The following SAMMSON variants were observed in gnomAD, a reference collection of about 807,000 sequenced individuals.
SAMMSON encodes long intergenic non-protein coding RNA 1212.
At chr3:70,047,621 A>G (rs1348820574) in intron 3 of SAMMSON, among the ~76,000 whole-genome samples, 1 of 152,144 alleles carries the variant, frequency 6.6e-6, no homozygotes, top group Non-Finnish European at 1.5e-5. Context: ...GGCATGAGCC[A>G]TATAATTTCT....
At chr3:70,075,763 AG>A (rs1461511193) in intron 4 of SAMMSON, among the ~76,000 whole-genome samples, 1 of 152,128 alleles carries the variant, frequency 6.6e-6, no homozygotes, top group African/African-American at 2.4e-5. Flanking sequence ...CTCATAGCGC[AG>A]TATAGTGGAT....
chr3:70,394,467 T>C (rs1701075427), downstream of SAMMSON, among the ~76,000 whole-genome samples: 1 of 152,114 alleles, frequency 6.6e-6, no homozygotes, highest in Non-Finnish European at 1.5e-5. Flanking sequence ...CGGACAAAGT[T>C]AAGAGAAGCT....
intron 3 of SAMMSON, among the ~76,000 whole-genome samples, chr3:70,053,447 G>A (rs938561030): frequency 6.6e-6 from 1 of 152,086 alleles, no homozygotes; most frequent in Non-Finnish European, 1.5e-5. Flanking sequence ...GAAAGGCAAG[G>A]CATTCCCCTG....
intron 2 of SAMMSON, among the ~76,000 whole-genome samples, chr3:70,413,696 A>T (rs1372184412): frequency 1.3e-5 from 2 of 152,126 alleles, no homozygotes; most frequent in Non-Finnish European, 2.9e-5. Flanking sequence ...TGCATATTCT[A>T]TATATTTTCA....
intron 6 of SAMMSON, among the ~76,000 whole-genome samples, chr3:70,282,087 A>C (rs1336024073): frequency 6.6e-6 from 1 of 152,138 alleles, no homozygotes; most frequent in African/African-American, 2.4e-5. Flanking sequence ...CAGCCAGGGA[A>C]GAAGGCTTTT....
chr3:70,074,220 A>G (rs1248782285), intron 4 of SAMMSON, among the ~76,000 whole-genome samples: 1 of 152,074 alleles, frequency 6.6e-6, no homozygotes, highest in Non-Finnish European at 1.5e-5. Flanking sequence ...TGTTAAATAT[A>G]AAAACCATTT....
intron 3 of SAMMSON, among the ~76,000 whole-genome samples, chr3:70,022,570 C>T (rs754690991): frequency 7.3e-5 from 11 of 150,998 alleles, no homozygotes; most frequent in Non-Finnish European, 1.5e-4. Flanking sequence ...AATTTTATTT[C>T]GTATTGCAAA....
intron 7 of SAMMSON, among the ~76,000 whole-genome samples, chr3:70,333,574 G>A (rs567331263): frequency 1.3e-5 from 2 of 152,246 alleles, no homozygotes; most frequent in East Asian, 3.9e-4. Context: ...TAGGTTGAAA[G>A]ATGAAAACCA....
At chr3:70,119,560 C>A (rs1378064427) in intron 4 of SAMMSON, among the ~76,000 whole-genome samples, 3 of 152,106 alleles carry the variant, frequency 2.0e-5, no homozygotes, top group Admixed American at 2.0e-4. Flanking sequence ...TATTGTGAGT[C>A]CATTGAGCAA....
intron 1 of SAMMSON, among the ~76,000 whole-genome samples, chr3:70,003,419 T>C (rs2066913843): frequency 6.6e-6 from 1 of 151,910 alleles, no homozygotes; most frequent in African/African-American, 2.4e-5. Context: ...TGTTTTTGGA[T>C]AAATTTTATT....
At chr3:70,331,447 A>G (rs2106722585) in intron 7 of SAMMSON, among the ~76,000 whole-genome samples, 1 of 152,184 alleles carries the variant, frequency 6.6e-6, no homozygotes, top group South Asian at 2.1e-4. Context: ...CAGACCCTGG[A>G]TTTTCCACCC....
At chr3:70,001,492 A>G (rs1159213426) in intron 1 of SAMMSON, among the ~76,000 whole-genome samples, 3 of 151,134 alleles carry the variant, frequency 2.0e-5, no homozygotes, top group South Asian at 2.1e-4. Flanking sequence ...ACATGTATAC[A>G]TGTAATATGT....
At chr3:70,340,935 C>T (rs1465814917) in intron 7 of SAMMSON, among the ~76,000 whole-genome samples, 4 of 152,066 alleles carry the variant, frequency 2.6e-5, no homozygotes, top group African/African-American at 9.7e-5. Context: ...ACATAGTGAT[C>T]TTGAATGAGT....
At chr3:70,384,246 A>G (rs532386376) in intron 9 of SAMMSON, among the ~76,000 whole-genome samples, 20 of 152,214 alleles carry the variant, frequency 1.3e-4, no homozygotes, top group African/African-American at 4.3e-4. Context: ...AAAAATTTTA[A>G]TAAAACATAT....
At chr3:70,386,462 T>C (rs1174938955) in intron 9 of SAMMSON, among the ~76,000 whole-genome samples, 1 of 152,114 alleles carries the variant, frequency 6.6e-6, no homozygotes, top group Admixed American at 6.6e-5. Flanking sequence ...TCATTTGAAC[T>C]TTAATGCATA....
At chr3:70,032,886 T>TC (rs2067071209) in intron 3 of SAMMSON, among the ~76,000 whole-genome samples, 1 of 152,134 alleles carries the variant, frequency 6.6e-6, no homozygotes, top group Non-Finnish European at 1.5e-5. Context: ...AAGGAAAACT[T>TC]CGCAATGATG....
chr3:70,413,458 T>G (rs1198089424), intron 2 of SAMMSON, among the ~76,000 whole-genome samples: 2 of 152,140 alleles, frequency 1.3e-5, no homozygotes, highest in Non-Finnish European at 2.9e-5. Context: ...CCAGCTGAAG[T>G]GCTGTATTGT....
chr3:70,307,949 C>A (rs768562800), intron 7 of SAMMSON, among the ~76,000 whole-genome samples: 2 of 152,220 alleles, frequency 1.3e-5, no homozygotes, highest in Non-Finnish European at 2.9e-5. Context: ...TGCATCACCT[C>A]CTTCTCTCCA....
chr3:70,125,351 T>G (rs1002507554), intron 4 of SAMMSON: 3 of 1,457,434 alleles, frequency 2.1e-6, no homozygotes, highest in African/African-American at 2.8e-5. Flanking sequence ...ATTCTTTACA[T>G]AAATTCTACA....
Sources: gnomAD v4.1 joint callset for allele counts (sites outside exome capture counted in the v4.1 genomes callset) on GRCh38, gnomAD v4.1.1 for gene constraint, MANE v1.5 for transcripts, NCBI Gene and HGNC (gene_info 2026-07-23, HGNC 2026-07-21) for gene names.